The following PDPN variants were observed in gnomAD, a reference collection of about 807,000 sequenced individuals.
PDPN encodes the protein PA2.26 antigen.
In PDPN, 12 loss-of-function variants were observed where a neutral mutation model predicts 23.2. The observed-to-expected ratio is 0.52, with a 90% confidence interval of 0.33 to 0.84. PDPN has a LOEUF of 0.84. Ranked by LOEUF, PDPN falls within the 40% of genes least tolerant of loss-of-function variation. The pLI, the probability that PDPN is intolerant of heterozygous loss-of-function variation, is 0.02. For synonymous variants in PDPN, 77 were observed against 76.7 expected (o/e 1.00, Z -0.02); for missense variants, 199 against 212.2 (o/e 0.94, Z 0.39).
chr1:13,592,302 G>A (rs1640367450), intron 1 of PDPN, among the ~76,000 whole-genome samples: 1 of 152,138 alleles, frequency 6.6e-6, no homozygotes, highest in Admixed American at 6.6e-5. Context: ...CCATTGAATA[G>A]CGTTTAAAAT....
chr1:13,608,198 C>G (rs1162666521), intron 2 of PDPN, among the ~76,000 whole-genome samples: 1 of 152,178 alleles, frequency 6.6e-6, no homozygotes, highest in Non-Finnish European at 1.5e-5. Flanking sequence ...CCACAGACCA[C>G]AAGATGATAG....
At chr1:13,595,243 T>TA (rs1253982749) in intron 1 of PDPN, among the ~76,000 whole-genome samples, 3 of 152,188 alleles carry the variant, frequency 2.0e-5, no homozygotes, top group Non-Finnish European at 4.4e-5. Flanking sequence ...ATAAGGATCT[T>TA]ATATCCTGTC....
chr1:13,617,791 TTCCTA>T lies in PDPN; in HGVS notation c.*1885_*1889del, dbSNP rs1641116081. ...AGTTGGGATAATGGCCATCTTTTCT[TTCCTA>T]TCCTTTCTTCCCCCCTCACTGTGAA... On this transcript the variant is annotated 3_prime_UTR_variant, in exon 6 of 6. Coordinates refer to ENST00000621990, the MANE Select transcript of PDPN (RefSeq NM_006474.5). 7.2e-6 allele frequency: 1 copy of T among 138,348 alleles called. No individual in the cohort carries two copies. The highest frequency in any genetic ancestry group is 2.2e-4 in the South Asian group (1 of 4,592). 8.6% of individuals were successfully genotyped at this position (138,348 alleles called of 1,614,324 possible).
chr1:13,612,430 G>A lies in PDPN; in HGVS notation c.332-1257G>A, dbSNP rs79769438. Reference sequence around the variant, plus strand: ...CTAACCAATGGTGTCTTTGATAATGGTATATTAAGAGCCTGGAATCAGCTG... The same window carrying A: ...CTAACCAATGGTGTCTTTGATAATGATATATTAAGAGCCTGGAATCAGCTG... On this transcript the variant is annotated intron_variant, in intron 3 of 5. Coordinates refer to ENST00000621990, the MANE Select transcript of PDPN (RefSeq NM_006474.5). 6.0e-3 allele frequency among the ~76,000 whole-genome samples: 921 copies of A among 152,254 alleles called. 28 individuals carry two copies. The East Asian group carries it at 0.11, about 18-fold the overall frequency.
chr1:13,605,825 G>T (rs772792447), intron 1 of PDPN, among the ~76,000 whole-genome samples: 1 of 152,072 alleles, frequency 6.6e-6, no homozygotes, highest in Non-Finnish European at 1.5e-5. Flanking sequence ...ATTTCACCAC[G>T]TTGGCCAGGA....
intron 1 of PDPN, among the ~76,000 whole-genome samples, chr1:13,590,042 G>A (rs534052824): frequency 2.6e-5 from 4 of 152,200 alleles, no homozygotes; most frequent in Non-Finnish European, 5.9e-5. Context: ...TGGCCAGGCT[G>A]TTCTTGAACT....
At chr1:13,605,802 T>C (rs1300858558) in intron 1 of PDPN, among the ~76,000 whole-genome samples, 3 of 152,048 alleles carry the variant, frequency 2.0e-5, no homozygotes, top group Non-Finnish European at 4.4e-5. Context: ...TTTGTATTTT[T>C]AGTAGAGATG....
At chr1:13,592,185 T>G (rs554884912) in intron 1 of PDPN, among the ~76,000 whole-genome samples, 67 of 152,384 alleles carry the variant, frequency 4.4e-4, no homozygotes, top group African/African-American at 1.6e-3. Context: ...TATTGTTGAT[T>G]GAAAGCCTCC....
Position 13,583,855 on chromosome 1 carries a change from T to A in PDPN, c.-179T>A. 1 of 1,587,580 alleles carries A rather than the reference T, an allele frequency of 6.3e-7. No individual in the cohort carries two copies. The highest frequency in any genetic ancestry group is 8.6e-7 in the Non-Finnish European group (1 of 1,168,094). On this transcript the variant is annotated 5_prime_UTR_variant, in exon 1 of 6. Coordinates refer to ENST00000621990, the MANE Select transcript of PDPN (RefSeq NM_006474.5). ...TCAACTGCAAAGTTTGCTGTCCGGC[T>A]GCCTAGGGTCTGGGAAGCTCGGGCA...
Position 13,617,809 on chromosome 1 carries a change from C to CT in PDPN, c.*1898_*1899insT, listed in dbSNP as rs1641117883. 1 of 150,348 alleles carries CT rather than the reference C, an allele frequency of 6.7e-6. No homozygotes were observed. Among genetic ancestry groups the CT allele is most frequent in the Admixed American group, 6.7e-5 (1 of 14,910 alleles). 9.3% of individuals were successfully genotyped at this position (150,348 alleles called of 1,614,324 possible). On this transcript the variant is annotated 3_prime_UTR_variant, in exon 6 of 6. Coordinates refer to ENST00000621990, the MANE Select transcript of PDPN (RefSeq NM_006474.5). ...CTTTTCTTTCCTATCCTTTCTTCCC[C>CT]CCTCACTGTGAAAAATAACAGTCCA...
chr1:13,583,822 G>A, upstream of PDPN: 15 of 1,552,470 alleles, frequency 9.7e-6, no homozygotes, highest in Non-Finnish European at 1.3e-5. Flanking sequence ...ACTCCGCTCG[G>A]AAAGTTCTCA....
intron 3 of PDPN, 121 bp downstream of exon 3, chr1:13,610,637 G>A: frequency 1.0e-6 from 1 of 1,000,656 alleles, no homozygotes. Context: ...AGTGACTTCT[G>A]AACCAAGCTT....
At chr1:13,604,472 A>G (rs1022858563) in intron 1 of PDPN, among the ~76,000 whole-genome samples, 1 of 152,230 alleles carries the variant, frequency 6.6e-6, no homozygotes, top group Non-Finnish European at 1.5e-5. Context: ...CCTTTTGTCC[A>G]TTCAGAGCGA....
chr1:13,599,276 T>C (rs1490231947), intron 1 of PDPN, among the ~76,000 whole-genome samples: 1 of 151,356 alleles, frequency 6.6e-6, no homozygotes, highest in Non-Finnish European at 1.5e-5. Flanking sequence ...CCCAAAGTGC[T>C]GGTGGGATTA....
At chr1:13,584,918 G>T (rs545092609) in intron 1 of PDPN, among the ~76,000 whole-genome samples, 13 of 152,098 alleles carry the variant, frequency 8.5e-5, no homozygotes, top group African/African-American at 2.9e-4. Context: ...ACCTCTTCCC[G>T]CTGGGTTGCT....
intron 1 of PDPN, among the ~76,000 whole-genome samples, chr1:13,593,063 G>T (rs969745288): frequency 2.0e-5 from 3 of 152,106 alleles, no homozygotes; most frequent in African/African-American, 7.2e-5. Context: ...TGATTCTCCT[G>T]TCTGTATTTT....
At chr1:13,592,710 G>A (rs559154461) in intron 1 of PDPN, among the ~76,000 whole-genome samples, 38 of 151,852 alleles carry the variant, frequency 2.5e-4, no homozygotes, top group Admixed American at 1.3e-4. Flanking sequence ...CACCACACCC[G>A]GCTAATTTTT....
At chr1:13,614,501 T>C (rs1641018141) in intron 5 of PDPN, 90 bp downstream of exon 5, 1 of 773,050 alleles carries the variant, frequency 1.3e-6, no homozygotes, top group African/African-American at 1.7e-5. Flanking sequence ...ATCTCTGATA[T>C]AAGCTGGGTG....
intron 4 of PDPN, 148 bp downstream of exon 4, chr1:13,613,873 T>A: frequency 7.8e-6 from 2 of 255,498 alleles, no homozygotes; most frequent in Non-Finnish European, 1.6e-5. Flanking sequence ...TTTCAAGCTT[T>A]TTTTTTTTTT....
Sources: allele counts gnomAD v4.1 joint callset (sites outside exome capture counted in the v4.1 genomes callset), GRCh38; gene constraint gnomAD v4.1.1; transcripts MANE v1.5; gene names NCBI Gene and HGNC (gene_info 2026-07-23, HGNC 2026-07-21).